The following PTPRB variants were observed in gnomAD, a reference collection of about 807,000 sequenced individuals.
The protein encoded by PTPRB is receptor-type tyrosine-protein phosphatase beta.
A neutral mutation model predicts 238.1 loss-of-function variants in PTPRB; 97 were observed. The observed-to-expected ratio is 0.41, with a 90% confidence interval of 0.35 to 0.48. PTPRB has a LOEUF of 0.48. Among genes scored for constraint, PTPRB ranks in the 20% least tolerant of loss-of-function variants. The pLI is 0.30. For synonymous variants in PTPRB, 970 were observed against 995.4 expected (o/e 0.97, Z 0.48); for missense variants, 2,292 against 2,681.9 (o/e 0.85, Z 3.21).
At chr12:70,537,254 T>C (rs527760544) in intron 28 of PTPRB, among the ~76,000 whole-genome samples, 7 of 126,856 alleles carry the variant, frequency 5.5e-5, no homozygotes, top group Middle Eastern at 5.8e-3. Flanking sequence ...GCCACTGCAC[T>C]ACAGCCTGGC....
At chr12:70,524,682 A>C in intron 32 of PTPRB, 91 bp from the exon 33 acceptor site, 2 of 1,331,074 alleles carry the variant, frequency 1.5e-6, no homozygotes, top group Non-Finnish European at 1.0e-6. Context: ...TGATGGGATT[A>C]TATAGTTAGC....
chr12:70,616,589 T>G (rs912931447), intron 3 of PTPRB, among the ~76,000 whole-genome samples: 2 of 152,182 alleles, frequency 1.3e-5, no homozygotes, highest in African/African-American at 4.8e-5. Context: ...AGAATATGTA[T>G]CTTTCAAAAG....
intron 32 of PTPRB, among the ~76,000 whole-genome samples, chr12:70,530,875 C>T (rs564172976): frequency 1.3e-4 from 19 of 151,904 alleles, no homozygotes; most frequent in African/African-American, 4.4e-4. Context: ...CCACTGTACC[C>T]AGCCATGTTT....
At chr12:70,635,027 C>T (rs756679454) in intron 2 of PTPRB, among the ~76,000 whole-genome samples, 4 of 152,156 alleles carry the variant, frequency 2.6e-5, no homozygotes, top group Non-Finnish European at 4.4e-5. Context: ...CAGGAGCTTG[C>T]ACATGTGTAT....
intron 4 of PTPRB, among the ~76,000 whole-genome samples, chr12:70,605,133 A>C (rs10879170): frequency 0.22 from 32,884 of 152,122 alleles, 3,676 homozygotes; most frequent in South Asian, 0.29. Context: ...TTCTAGGCTG[A>C]CTAATAAGTA....
At chr12:70,557,572 A>G (rs1191848984) in intron 18 of PTPRB, among the ~76,000 whole-genome samples, 4 of 152,186 alleles carry the variant, frequency 2.6e-5, no homozygotes, top group Non-Finnish European at 5.9e-5. Context: ...TTATAAGCCT[A>G]GCCTCTAACA....
At chr12:70,539,094 A>G (rs1416126397) in intron 26 of PTPRB, 80 bp from the exon 27 acceptor site, 14 of 1,113,590 alleles carry the variant, frequency 1.3e-5, no homozygotes, top group Non-Finnish European at 1.6e-5. Context: ...AGATAACATA[A>G]TAACATGAAA....
rs182646937 is a variant in PTPRB at position 70,599,554 on chromosome 12, T to G, written c.980-3227A>C. On this transcript the variant is annotated intron_variant, in intron 4 of 33. Transcript: ENST00000334414. The stretch of plus-strand genomic sequence containing the variant: ...TCAATATTTATCATTAGCCATAAAT[T>G]TAGAGCACTTTGTAATTCTTGGTTC... Among the ~76,000 whole-genome samples the G allele has an allele frequency of 5.2e-3, 788 of 152,282 alleles. 10 individuals are homozygous for G. The highest frequency in any genetic ancestry group is 0.018 in the African/African-American group (752 of 41,538).
rs1298526154 is a variant in PTPRB at position 70,540,003 on chromosome 12, A to T, written c.5614T>A (p.Ser1872Thr). The T allele has an allele frequency of 6.2e-7, 1 of 1,609,838 alleles. No individual in the cohort carries two copies. Among genetic ancestry groups the T allele is most frequent in the Non-Finnish European group, 8.5e-7 (1 of 1,176,176 alleles). Reference sequence around the variant, plus strand: ...TCCCTACGAATGCTCAGACGGGCAGAGGGTCTTTCTCGACCATGGCTGAAA... The same window carrying T: ...TCCCTACGAATGCTCAGACGGGCAGTGGGTCTTTCTCGACCATGGCTGAAA... ...QKVSHGRERP[S>T]ARLSIRRDRP... Residue 1872 changes from serine to threonine, a missense_variant, in exon 24 of 34, where the codon TCT (serine) becomes ACT (threonine). Coordinates refer to ENST00000334414, the MANE Select transcript of PTPRB (RefSeq NM_001109754.4).
chr12:70,542,001 A>ACT (rs3048113), intron 22 of PTPRB: 57,988 of 151,814 alleles, frequency 0.38, 11,571 homozygotes, highest in East Asian at 0.53. Context: ...TCGTATGGTA[A>ACT]CTCTAGGTTT....
intron 33 of PTPRB, among the ~76,000 whole-genome samples, chr12:70,524,248 C>T (rs959340383): frequency 2.0e-5 from 3 of 151,740 alleles, no homozygotes; most frequent in Admixed American, 6.6e-5. Flanking sequence ...ATTGGGACTA[C>T]GGGCATGCAC....
intron 21 of PTPRB, among the ~76,000 whole-genome samples, chr12:70,550,825 T>C (rs1484708078): frequency 6.6e-6 from 1 of 152,168 alleles, no homozygotes; most frequent in Non-Finnish European, 1.5e-5. Flanking sequence ...AAATAGCCCT[T>C]AGGTGACTTT....
Position 70,556,062 on chromosome 12 carries a change from C to T in PTPRB, c.4801G>A (p.Asp1601Asn), listed in dbSNP as rs1877623845. 6.2e-7 allele frequency: 1 copy of T among 1,613,894 alleles called. No individual in the cohort carries two copies. The change falls in exon 19 of 34, where the codon GAT becomes AAT. Residue 1601 changes from aspartate to asparagine, a missense_variant. Transcript: ENST00000334414. ...CSWIPPDSDF[D>N]GYSIECRKMD... ...TTCCGGCATTCAATACTATAACCAT[C>T]AAAGTCAGAATCAGGAGGGATCCAA... is the stretch of plus-strand genomic sequence containing the variant.
intron 10 of PTPRB, among the ~76,000 whole-genome samples, chr12:70,580,184 CTT>C (rs1333722263): frequency 1.3e-5 from 2 of 152,058 alleles, no homozygotes; most frequent in Non-Finnish European, 2.9e-5. Flanking sequence ...CATAATGACA[CTT>C]ATTTGTTTAC....
Position 70,581,165 on chromosome 12 carries a change from C to T in PTPRB, c.2449G>A (p.Glu817Lys). The T allele has an allele frequency of 6.2e-7, 1 of 1,614,018 alleles. No individual in the cohort carries two copies. Among genetic ancestry groups the T allele is most frequent in the Non-Finnish European group, 8.5e-7 (1 of 1,179,898 alleles). The change falls in exon 10 of 34, where the codon GAA becomes AAA. Residue 817 changes from glutamate to lysine, a missense_variant. Physicochemically the swap from Glu to Lys is moderately conservative, Grantham distance 56. Transcript: ENST00000334414. ...LIHENVVIKNESISSETSRYS... is the reference protein window; with the variant it reads ...LIHENVVIKNKSISSETSRYS... ...CTGCTGGTCTCACTGGAGATGCTTT[C>T]ATTTTTAATGACCACATTTTCATGG...
intron 3 of PTPRB, among the ~76,000 whole-genome samples, chr12:70,612,882 G>A (rs746320096): frequency 3.9e-5 from 6 of 152,026 alleles, no homozygotes; most frequent in Middle Eastern, 3.2e-3. Context: ...AGCTACTCAG[G>A]AGGCTGCAGC....
At position 70,521,408 on chromosome 12, in the gene PTPRB, C is replaced by T; in HGVS notation, c.*81G>A. The stretch of plus-strand genomic sequence containing the variant: ...ATAGTATCAACAGAAATAGCTGGCA[C>T]CTCTGTAGGGCATGAAGCAAGTTTT... On this transcript the variant is annotated 3_prime_UTR_variant, in exon 34 of 34. Transcript: ENST00000334414. 3 of 1,131,304 alleles carry T rather than the reference C, an allele frequency of 2.7e-6. No individual in the cohort carries two copies. The highest frequency in any genetic ancestry group is 5.8e-5 in the Admixed American group (2 of 34,510). 70.1% of individuals were successfully genotyped at this position (1,131,304 alleles called of 1,614,324 possible). A position where few individuals can be genotyped will look rare whatever the true frequency, so the allele number is the denominator to read the frequency against.
At chr12:70,552,710 C>T (rs1387170368) in intron 21 of PTPRB, 67 bp downstream of exon 21, 8 of 1,571,490 alleles carry the variant, frequency 5.1e-6, no homozygotes, top group Non-Finnish European at 6.1e-6. Context: ...GCATCAGTTG[C>T]TCAGACAGCT....
chr12:70,542,209 A>T (rs1875243212), intron 22 of PTPRB: 1 of 152,204 alleles, frequency 6.6e-6, no homozygotes, highest in Non-Finnish European at 1.5e-5. Context: ...GATGTTGAGC[A>T]TCTTTTCATG....
Sources: gnomAD v4.1 joint callset for allele counts (sites outside exome capture counted in the v4.1 genomes callset) on GRCh38, gnomAD v4.1.1 for gene constraint, MANE v1.5 for transcripts, NCBI Gene and HGNC (gene_info 2026-07-23, HGNC 2026-07-21) for gene names.